The following ILRUN variants were observed in gnomAD, a reference collection of about 807,000 sequenced individuals.
The protein encoded by ILRUN is inflammation and lipid regulator with UBA-like and NBR1-like domains, also known as protein ILRUN.
A neutral mutation model predicts 33.8 loss-of-function variants in ILRUN; 3 were observed. That is an observed-to-expected ratio of 0.09 (90% confidence interval 0.04 to 0.23). The LOEUF (loss-of-function observed/expected upper bound fraction) is 0.23, where lower values mean the gene tolerates loss of function less well. Ranked by LOEUF, ILRUN falls within the 10% of genes least tolerant of loss-of-function variation. ILRUN has a pLI of 1.00. For synonymous variants in ILRUN, 124 were observed against 138.9 expected, an observed-to-expected ratio of 0.89 and a Z score of 0.75; for missense variants, 210 against 375.1, an observed-to-expected ratio of 0.56 and a Z score of 3.64.
intron 3 of ILRUN, among the ~76,000 whole-genome samples, chr6:34,641,871 GA>G (rs1246361720): frequency 3.3e-5 from 5 of 151,708 alleles, no homozygotes; most frequent in East Asian, 1.9e-4. Context: ...CTAAAAAAAA[GA>G]AAAAAAATCA....
intron 2 of ILRUN, among the ~76,000 whole-genome samples, chr6:34,651,387 T>C (rs892511899): frequency 2.0e-5 from 3 of 151,288 alleles, no homozygotes; most frequent in Non-Finnish European, 4.4e-5. Flanking sequence ...CCAAGAGAGA[T>C]TTTTGTAAGT....
rs567992550 is a variant in ILRUN at position 34,617,042 on chromosome 6, C to A, written c.512-10138G>T. ...TCTGACAGACAACACTTTGATTGCT[C>A]GACCTCTTGGTAAATATGGCATCAC... is the stretch of plus-strand genomic sequence containing the variant. On this transcript the variant is annotated intron_variant, in intron 3 of 4. Coordinates refer to ENST00000374023, the MANE Select transcript of ILRUN (RefSeq NM_024294.4). 141 of 529,602 alleles carry A rather than the reference C, an allele frequency of 2.7e-4. 1 individual carries two copies. The highest frequency in any genetic ancestry group is 1.6e-3 in the Middle Eastern group (4 of 2,500). The allele number at this position is 529,602 out of a possible 1,614,324, so 32.8% of individuals were successfully genotyped here. A position where few individuals can be genotyped will look rare whatever the true frequency, so the allele number is the denominator to read the frequency against.
intron 3 of ILRUN, among the ~76,000 whole-genome samples, chr6:34,642,113 CT>C (rs972684354): frequency 6.6e-6 from 1 of 152,152 alleles, no homozygotes; most frequent in Non-Finnish European, 1.5e-5. Flanking sequence ...ATCATTGATG[CT>C]TTACAAAAAG....
At position 34,617,617 on chromosome 6, in the gene ILRUN, G is replaced by A. The variant is rs77729917; in HGVS notation, c.512-10713C>T. On this transcript the variant is annotated intron_variant, in intron 3 of 4. Transcript: ENST00000374023. ...GCTAGAGATAGGCTCCAGTTCATCAGCTTCTCAGTGACCTCCTGATTTCCG... is the reference window on the plus strand; with the variant it reads ...GCTAGAGATAGGCTCCAGTTCATCAACTTCTCAGTGACCTCCTGATTTCCG... Among the ~76,000 whole-genome samples, 649 of 152,272 alleles carry A rather than the reference G, an allele frequency of 4.3e-3. 5 individuals are homozygous for A. The highest frequency in any genetic ancestry group is 0.015 in the African/African-American group (605 of 41,540).
chr6:34,607,990 G>A (rs556525622), intron 3 of ILRUN, among the ~76,000 whole-genome samples: 11 of 152,220 alleles, frequency 7.2e-5, no homozygotes, highest in South Asian at 2.1e-4. Flanking sequence ...CTACTTGGGG[G>A]ACAGAGGTGG....
chr6:34,622,382 C>A (rs1004704443), intron 3 of ILRUN, among the ~76,000 whole-genome samples: 1 of 152,052 alleles, frequency 6.6e-6, no homozygotes, highest in African/African-American at 2.4e-5. Context: ...GAAAACACAA[C>A]CTGATTTCAA....
intron 1 of ILRUN, among the ~76,000 whole-genome samples, chr6:34,694,282 A>C (rs1010259745): frequency 6.6e-6 from 1 of 152,200 alleles, no homozygotes; most frequent in East Asian, 1.9e-4. Context: ...AAGAACTTAA[A>C]ACTTACTAGG....
At chr6:34,600,107 C>A (rs1032135895) in intron 4 of ILRUN, among the ~76,000 whole-genome samples, 1 of 152,206 alleles carries the variant, frequency 6.6e-6, no homozygotes, top group African/African-American at 2.4e-5. Flanking sequence ...ATTTACCACC[C>A]AAGAGCTAGA....
intron 2 of ILRUN, among the ~76,000 whole-genome samples, chr6:34,652,233 T>A (rs1048728259): frequency 6.6e-6 from 1 of 152,178 alleles, no homozygotes; most frequent in African/African-American, 2.4e-5. Flanking sequence ...AGAAAGAAAT[T>A]AGGCAAAGTA....
At chr6:34,616,507 G>A (rs1313701583) in intron 3 of ILRUN, 57 of 900,072 alleles carry the variant, frequency 6.3e-5, no homozygotes, top group Non-Finnish European at 9.2e-5. Context: ...CAGTGCAAAA[G>A]TCAGTATTAT....
At chr6:34,695,731 G>A (rs573291346) in intron 1 of ILRUN, among the ~76,000 whole-genome samples, 56 of 148,660 alleles carry the variant, frequency 3.8e-4, no homozygotes, top group African/African-American at 1.2e-3. Context: ...TTTTCCTAAG[G>A]TGGTTCCCAG....
rs572787067 is a variant in ILRUN at position 34,680,186 on chromosome 6, G to C, written c.158+16260C>G. 4.9e-4 allele frequency among the ~76,000 whole-genome samples: 75 copies of C among 152,224 alleles called. 1 individual carries two copies. The highest frequency in any genetic ancestry group is 8.4e-4 in the Non-Finnish European group (57 of 67,998). On this transcript the variant is annotated intron_variant, in intron 1 of 4. Coordinates refer to ENST00000374023, the MANE Select transcript of ILRUN (RefSeq NM_024294.4). ...ACCTCTCTAAGCCTCTTTTCCTTTT[G>C]TAAAAAATGAGGATGACAATATTCA... is the stretch of plus-strand genomic sequence containing the variant.
At chr6:34,626,009 C>T (rs1403074469) in intron 3 of ILRUN, among the ~76,000 whole-genome samples, 1 of 151,980 alleles carries the variant, frequency 6.6e-6, no homozygotes, top group Non-Finnish European at 1.5e-5. Flanking sequence ...CGCCACCACG[C>T]CCGGCTAATT....
chr6:34,587,919 G>T lies in ILRUN; in HGVS notation c.*2646C>A, dbSNP rs898708837. 1 of 397,192 alleles carries T rather than the reference G, an allele frequency of 2.5e-6. No individual in the cohort carries two copies. 24.6% of individuals were successfully genotyped at this position (397,192 alleles called of 1,614,324 possible). ...ACCATGGTGTCTGCCTCACCTCCTG[G>T]GTGCCAGACGCAGGTGGTCCTGCCC... On this transcript the variant is annotated 3_prime_UTR_variant, in exon 5 of 5. Coordinates refer to ENST00000374023, the MANE Select transcript of ILRUN (RefSeq NM_024294.4).
intron 3 of ILRUN, among the ~76,000 whole-genome samples, chr6:34,636,169 G>A (rs189502439): frequency 6.6e-6 from 1 of 152,210 alleles, no homozygotes; most frequent in African/African-American, 2.4e-5. Flanking sequence ...GACTGCTTGA[G>A]CCCAAGAGTT....
At position 34,680,533 on chromosome 6, in the gene ILRUN, C is replaced by T. The variant is rs149878119; in HGVS notation, c.158+15913G>A. ...AGACTGGAGTGCAGTGGCGCCATCT[C>T]GGCTCACTGAAACCTCTGCCTCCTA... On this transcript the variant is annotated intron_variant, in intron 1 of 4. Coordinates refer to ENST00000374023, the MANE Select transcript of ILRUN (RefSeq NM_024294.4). Among the ~76,000 whole-genome samples the T allele has an allele frequency of 7.6e-3, 1,149 of 152,106 alleles. 21 individuals are homozygous for T. Among genetic ancestry groups the T allele is most frequent in the African/African-American group, 0.026 (1,094 of 41,482 alleles).
chr6:34,638,821 T>C (rs958847659), intron 3 of ILRUN, among the ~76,000 whole-genome samples: 7 of 152,234 alleles, frequency 4.6e-5, no homozygotes, highest in African/African-American at 1.7e-4. Context: ...GAGGATCTTC[T>C]AGAAGCAGAT....
At chr6:34,622,141 A>C (rs1429083540) in intron 3 of ILRUN, among the ~76,000 whole-genome samples, 1 of 151,940 alleles carries the variant, frequency 6.6e-6, no homozygotes, top group East Asian at 1.9e-4. Context: ...AAACTATAAA[A>C]CTCCTAGAAA....
At chr6:34,609,338 A>C (rs531698244) in intron 3 of ILRUN, among the ~76,000 whole-genome samples, 1 of 152,266 alleles carries the variant, frequency 6.6e-6, no homozygotes, top group African/African-American at 2.4e-5. Context: ...AAAAATACAA[A>C]AATTAGCTGG....
Sources: allele counts gnomAD v4.1 joint callset (sites outside exome capture counted in the v4.1 genomes callset), GRCh38; gene constraint gnomAD v4.1.1; transcripts MANE v1.5; gene names NCBI Gene and HGNC (gene_info 2026-07-23, HGNC 2026-07-21).